Variants in SMIM36 observed in about 807,000 individuals in gnomAD.
The protein encoded by SMIM36 is small integral membrane protein 36.
intron 1 of SMIM36, among the ~76,000 whole-genome samples, chr17:55,498,617 G>T (rs4583312): frequency 6.6e-6 from 1 of 151,192 alleles, no homozygotes; most frequent in Non-Finnish European, 1.5e-5. Flanking sequence ...CTTGCTATGT[G>T]GCCTAGCCTC....
chr17:55,468,101 C>T (rs1161686289), intron 3 of SMIM36: 1 of 152,328 alleles, frequency 6.6e-6, no homozygotes, highest in East Asian at 1.9e-4. Context: ...CTTTTTTGGA[C>T]TCAGTCCACC....
intron 1 of SMIM36, among the ~76,000 whole-genome samples, chr17:55,490,715 C>T (rs898275118): frequency 3.3e-5 from 5 of 151,996 alleles, no homozygotes; most frequent in Admixed American, 6.5e-5. Context: ...CAGGAATACT[C>T]GAAGTAGGGT....
At chr17:55,518,539 G>A in the SMIM36 span, among the ~76,000 whole-genome samples, 1 of 152,102 alleles carries the variant, frequency 6.6e-6, no homozygotes, top group East Asian at 1.9e-4. Context: ...AAATTAGAAG[G>A]GGTTTTCATA....
intron 4 of SMIM36, among the ~76,000 whole-genome samples, chr17:55,462,128 G>C (rs1697540729): frequency 6.6e-6 from 1 of 152,136 alleles, no homozygotes. Flanking sequence ...ATTAAATCTT[G>C]GTTTTAGATG....
intron 1 of SMIM36, among the ~76,000 whole-genome samples, chr17:55,486,201 A>AT (rs901942774): frequency 2.2e-4 from 33 of 150,924 alleles, no homozygotes; most frequent in Admixed American, 4.6e-4. Context: ...TACACAGCTA[A>AT]TTTTTTTTTG....
At chr17:55,473,564 T>G (rs1909377773) in intron 3 of SMIM36, among the ~76,000 whole-genome samples, 1 of 152,164 alleles carries the variant, frequency 6.6e-6, no homozygotes, top group African/African-American at 2.4e-5. Flanking sequence ...CAGTGGAACC[T>G]TCCTACTCCT....
chr17:55,475,552 C>T (rs781116683), intron 3 of SMIM36, among the ~76,000 whole-genome samples: 8 of 152,182 alleles, frequency 5.3e-5, no homozygotes, highest in Non-Finnish European at 8.8e-5. Flanking sequence ...GACTTACTCA[C>T]TGCTGAAGAA....
chr17:55,529,750 C>A, the SMIM36 span, among the ~76,000 whole-genome samples: 1 of 151,964 alleles, frequency 6.6e-6, no homozygotes, highest in East Asian at 1.9e-4. Flanking sequence ...GCAATGGCAC[C>A]ACTGCACTCC....
chr17:55,451,724 T>G (rs943776764), intron 4 of SMIM36, among the ~76,000 whole-genome samples: 1 of 152,194 alleles, frequency 6.6e-6, no homozygotes, highest in Non-Finnish European at 1.5e-5. Context: ...ATTTACTATA[T>G]ATTTCCTGCA....
intron 3 of SMIM36, among the ~76,000 whole-genome samples, chr17:55,476,781 G>T (rs939857562): frequency 2.0e-5 from 3 of 152,096 alleles, no homozygotes; most frequent in Non-Finnish European, 4.4e-5. Flanking sequence ...TGGCCAGGCT[G>T]GTCTTGAACT....
intron 1 of SMIM36, among the ~76,000 whole-genome samples, chr17:55,493,097 T>C (rs975614178): frequency 2.6e-5 from 4 of 152,348 alleles, no homozygotes; most frequent in South Asian, 4.1e-4. Flanking sequence ...AGCTTCCTGC[T>C]GCAGCTCCCT....
At chr17:55,529,782 C>A in the SMIM36 span, among the ~76,000 whole-genome samples, 44 of 149,506 alleles carry the variant, frequency 2.9e-4, no homozygotes, top group Middle Eastern at 0.01. Flanking sequence ...TGGACCCAGA[C>A]CCTGTCCGAA....
chr17:55,500,900 T>TTATATTTTATAATA lies in SMIM36; in HGVS notation c.*174+9978_*174+9979insTATTATAAAATATA, dbSNP rs1909912287. The stretch of plus-strand genomic sequence containing the variant: ...ATTTTATAATATATATTATAATATA[T>TTATATTTTATAATA]TATATTATAATATATTATAATATAT... On this transcript the variant is annotated intron_variant, in intron 1 of 4. Coordinates refer to ENST00000636752, the Ensembl canonical transcript of SMIM36. Among the ~76,000 whole-genome samples, 2 of 17,114 alleles carry TTATATTTTATAATA rather than the reference T, an allele frequency of 1.2e-4. 1 individual carries two copies. The highest frequency in any genetic ancestry group is 1.8e-3 in the African/African-American group (2 of 1,102). 11.2% of individuals were successfully genotyped at this position (17,114 alleles called of 152,430 possible).
At chr17:55,488,870 T>C (rs7216551) in intron 1 of SMIM36, among the ~76,000 whole-genome samples, 119,600 of 152,034 alleles carry the variant, frequency 0.79, 47,515 homozygotes, top group Non-Finnish European at 0.82. Context: ...TGCGTACACC[T>C]GGTAGCAGTA....
chr17:55,477,987 T>A (rs1909454123), intron 3 of SMIM36, among the ~76,000 whole-genome samples: 1 of 151,786 alleles, frequency 6.6e-6, no homozygotes. Flanking sequence ...CAAAGGGAGA[T>A]AAGGCTCTGC....
At chr17:55,494,211 T>C (rs1188075239) in intron 1 of SMIM36, among the ~76,000 whole-genome samples, 1 of 152,002 alleles carries the variant, frequency 6.6e-6, no homozygotes, top group East Asian at 1.9e-4. Context: ...GGAGGTGAAA[T>C]AGATGTACGA....
intron 1 of SMIM36, among the ~76,000 whole-genome samples, chr17:55,509,047 C>T (rs1024080817): frequency 6.6e-6 from 1 of 151,604 alleles, no homozygotes; most frequent in African/African-American, 2.4e-5. Context: ...ATATAATCTT[C>T]TGATAAAATA....
intron 4 of SMIM36, among the ~76,000 whole-genome samples, chr17:55,454,897 G>C (rs1908988668): frequency 6.6e-6 from 1 of 152,052 alleles, no homozygotes; most frequent in African/African-American, 2.4e-5. Flanking sequence ...TTTTCATCGT[G>C]AAGAGATACC....
chr17:55,471,687 T>C (rs2143259892), intron 3 of SMIM36, among the ~76,000 whole-genome samples: 1 of 152,334 alleles, frequency 6.6e-6, no homozygotes, highest in Non-Finnish European at 1.5e-5. Context: ...GAAAAGGCCC[T>C]GGAGACAGTT....
Sources: allele counts gnomAD v4.1 joint callset (sites outside exome capture counted in the v4.1 genomes callset), GRCh38; gene constraint gnomAD v4.1.1; transcripts MANE v1.5; gene names NCBI Gene and HGNC (gene_info 2026-07-23, HGNC 2026-07-21).